GALNT16: variants seen among roughly 807,000 people sequenced by gnomAD.
GALNT16 encodes polypeptide N-acetylgalactosaminyltransferase 16.
In GALNT16, 40 loss-of-function variants were observed where a neutral mutation model predicts 76.1. The ratio of observed to expected loss-of-function variants is 0.53; its 90% CI spans 0.41 to 0.68. The LOEUF (loss-of-function observed/expected upper bound fraction) is 0.68, where lower values mean the gene tolerates loss of function less well. Ranked by LOEUF, GALNT16 falls within the 30% of genes least tolerant of loss-of-function variation. The pLI, the probability that GALNT16 is intolerant of heterozygous loss-of-function variation, is 0.00. For synonymous variants in GALNT16, 276 were observed against 285.2 expected (o/e 0.97, Z 0.32); for missense variants, 621 against 731.9 (o/e 0.85, Z 1.75).
At chr14:69,343,601 C>A (rs1164948167) in intron 12 of GALNT16, among the ~76,000 whole-genome samples, 1 of 152,210 alleles carries the variant, frequency 6.6e-6, no homozygotes, top group African/African-American at 2.4e-5. Context: ...AGTGTTCATT[C>A]AGATGCATCA....
intron 1 of GALNT16, among the ~76,000 whole-genome samples, chr14:69,311,732 T>C (rs10459534): frequency 0.15 from 23,152 of 152,210 alleles, 2,609 homozygotes; most frequent in East Asian, 0.43. Flanking sequence ...AAAAGTGTTA[T>C]AAACCGACAT....
At chr14:69,363,846 C>T in the GALNT16 span, among the ~76,000 whole-genome samples, 1 of 152,160 alleles carries the variant, frequency 6.6e-6, no homozygotes, top group African/African-American at 2.4e-5. Flanking sequence ...TAGAGGAATC[C>T]TGTCAGGGAT....
intron 14 of GALNT16, chr14:69,350,228 A>G (rs2045616850): frequency 6.6e-6 from 1 of 152,158 alleles, no homozygotes; most frequent in African/African-American, 2.4e-5. Context: ...ACAAAATGTC[A>G]CTGGGTGCCT....
At chr14:69,307,231 G>A (rs2044948309) in intron 1 of GALNT16, among the ~76,000 whole-genome samples, 1 of 152,190 alleles carries the variant, frequency 6.6e-6, no homozygotes, top group Non-Finnish European at 1.5e-5. Flanking sequence ...CTCCTGTGGA[G>A]CGTAGGTCTC....
chr14:69,341,088 C>T (rs886609755), intron 11 of GALNT16, among the ~76,000 whole-genome samples: 1 of 152,168 alleles, frequency 6.6e-6, no homozygotes, highest in Non-Finnish European at 1.5e-5. Context: ...GTGCTTCACA[C>T]TTAATTCACT....
intron 9 of GALNT16, among the ~76,000 whole-genome samples, chr14:69,335,001 G>A (rs1418402384): frequency 6.6e-6 from 1 of 152,114 alleles, no homozygotes. Flanking sequence ...ACTAGCACTG[G>A]TGGTATCTCA....
At chr14:69,314,376 G>A (rs942332691) in intron 1 of GALNT16, among the ~76,000 whole-genome samples, 6 of 152,238 alleles carry the variant, frequency 3.9e-5, no homozygotes, top group African/African-American at 7.2e-5. Flanking sequence ...CCAGAGCCAT[G>A]AGAGTTCAAA....
chr14:69,260,150 C>G (rs533064172), upstream of GALNT16: 5 of 188,920 alleles, frequency 2.6e-5, no homozygotes, highest in South Asian at 1.6e-4. Flanking sequence ...CCCCGCCCCC[C>G]CACCTCTCTC....
chr14:69,357,745 G>A (rs1458222801), downstream of GALNT16: 1 of 152,250 alleles, frequency 6.6e-6, no homozygotes, highest in Non-Finnish European at 1.5e-5. Flanking sequence ...CTCTTAAGAT[G>A]TGGTCCAGAT....
At chr14:69,266,461 C>T (rs74321376) in intron 1 of GALNT16, among the ~76,000 whole-genome samples, 26 of 152,356 alleles carry the variant, frequency 1.7e-4, no homozygotes, top group Admixed American at 3.3e-4. Flanking sequence ...ACATCTCACA[C>T]TTCTGACTCC....
At chr14:69,295,715 A>G (rs8015693) in intron 1 of GALNT16, among the ~76,000 whole-genome samples, 106,941 of 152,062 alleles carry the variant, frequency 0.7, 38,483 homozygotes, top group East Asian at 1. Context: ...GCGAGACTCC[A>G]TCTCAAAAAA....
At chr14:69,313,457 T>A (rs764850245) in intron 1 of GALNT16, among the ~76,000 whole-genome samples, 2 of 152,206 alleles carry the variant, frequency 1.3e-5, no homozygotes, top group African/African-American at 2.4e-5. Context: ...GCCTGATGCC[T>A]TGGCCTAGCC....
chr14:69,352,115 A>T lies in GALNT16; in HGVS notation c.1624A>T (p.Lys542Ter). 1 of 1,614,036 alleles carries T rather than the reference A, an allele frequency of 6.2e-7. No homozygotes were observed. The highest frequency in any genetic ancestry group is 8.5e-7 in the Non-Finnish European group (1 of 1,179,880). Residue 542 changes from lysine to a stop codon, truncating the protein, a stop_gained, in exon 15 of 15, where the codon AAG becomes TAG. Transcript: ENST00000448469. LOFTEE classifies it high-confidence loss of function. ...AAAGCCTGCCCAGCTGGTGACCAGC[A>T]AGTGTCAGGCTGACGCCCAGGCCCA... Reference protein sequence around the residue: ...ETKPAQLVTSKCQADAQAQQW... With the variant: ...ETKPAQLVTS
chr14:69,328,483 T>C lies in GALNT16; in HGVS notation c.602T>C (p.Val201Ala). 1 of 1,614,028 alleles carries C rather than the reference T, an allele frequency of 6.2e-7. No homozygotes were observed. The highest frequency in any genetic ancestry group is 1.1e-5 in the South Asian group (1 of 91,078). Residue 201 changes from valine (V) to alanine (A), a missense_variant, in exon 6 of 15, where the codon GTG becomes GCG. Val to Ala is a moderately conservative substitution (Grantham distance 64). Coordinates refer to ENST00000448469, the MANE Select transcript of GALNT16 (RefSeq NM_001168368.2). ...CGGTCCCGAGTGCGTGGGGCGGACGTGGCTGCAGCTACCGTTCTCACCTTT... is the reference window on the plus strand; with the variant it reads ...CGGTCCCGAGTGCGTGGGGCGGACGCGGCTGCAGCTACCGTTCTCACCTTT... ...LIRSRVRGAD[V>A]AAATVLTFLD...
At chr14:69,354,850 C>T (rs1393473720), downstream of GALNT16, 1 of 152,380 alleles carries the variant, frequency 6.6e-6, no homozygotes, top group Non-Finnish European at 1.5e-5. Context: ...TTTAGCCAGC[C>T]CTCTCTCCTT....
At chr14:69,332,254 G>A (rs1025951451) in intron 7 of GALNT16, among the ~76,000 whole-genome samples, 3 of 151,974 alleles carry the variant, frequency 2.0e-5, no homozygotes, top group Non-Finnish European at 4.4e-5. Flanking sequence ...TTTGAATTAC[G>A]TATTTGGCTT....
downstream of GALNT16, chr14:69,355,329 G>A (rs2045685126): frequency 6.6e-6 from 1 of 152,362 alleles, no homozygotes; most frequent in Non-Finnish European, 1.5e-5. Flanking sequence ...TCTGGGCTTA[G>A]GAGCAAGTCA....
chr14:69,322,681 C>A (rs1368438526), intron 2 of GALNT16, among the ~76,000 whole-genome samples: 3 of 152,120 alleles, frequency 2.0e-5, no homozygotes, highest in Non-Finnish European at 4.4e-5. Flanking sequence ...CATTTGAGGT[C>A]AGGAGTTCAA....
rs536661601 is a variant in GALNT16, at chr14:69,300,682, T to TC, written c.178-20025dup. On this transcript the variant is annotated intron_variant, in intron 1 of 14. Transcript: ENST00000448469. ...AGGCCCTCCTCCTAGGTCCTAGCAG[T>TC]CCCCTGTGCAATGACAGTTGGTAGA... 1.7e-4 allele frequency among the ~76,000 whole-genome samples: 26 copies of TC among 152,284 alleles called. No homozygotes were observed. In the East Asian group the frequency reaches 4.8e-3, roughly 28 times the overall value.
Sources: gnomAD v4.1 joint callset for allele counts (sites outside exome capture counted in the v4.1 genomes callset) on GRCh38, gnomAD v4.1.1 for gene constraint, MANE v1.5 for transcripts, NCBI Gene and HGNC (gene_info 2026-07-23, HGNC 2026-07-21) for gene names.